The following RBM47 variants were observed in gnomAD, a reference collection of about 807,000 sequenced individuals.
The protein encoded by RBM47 is RNA-binding protein 47.
In RBM47, 21 loss-of-function variants were observed where a neutral mutation model predicts 47.1. The observed-to-expected ratio is 0.45, with a 90% CI of 0.32 to 0.64. RBM47 has a LOEUF of 0.64. RBM47 is among the 30% of genes least tolerant of loss of function. RBM47 has a pLI of 0.05. For missense variants in RBM47, 708 were observed against 870.9 expected (o/e 0.81, Z 2.35); for synonymous variants, 375 against 361.7 (o/e 1.04, Z -0.42).
chr4:40,586,563 A>G (rs190655423), intron 1 of RBM47, among the ~76,000 whole-genome samples: 10 of 150,804 alleles, frequency 6.6e-5, no homozygotes, highest in Admixed American at 5.3e-4. Context: ...CAGAACAGCC[A>G]TTGCATATTC....
chr4:40,457,778 C>A (rs1716520885), intron 3 of RBM47, among the ~76,000 whole-genome samples: 1 of 152,110 alleles, frequency 6.6e-6, no homozygotes, highest in African/African-American at 2.4e-5. Flanking sequence ...TTTACTATCA[C>A]ATTGGGGATT....
chr4:40,464,815 C>A (rs1056582637), intron 3 of RBM47, among the ~76,000 whole-genome samples: 1 of 136,374 alleles, frequency 7.3e-6, no homozygotes, highest in East Asian at 2.4e-4. Context: ...GGCGTGAACC[C>A]GGGAGGCAGA....
At chr4:40,588,778 G>A (rs923113000) in intron 1 of RBM47, among the ~76,000 whole-genome samples, 2 of 152,006 alleles carry the variant, frequency 1.3e-5, no homozygotes, top group African/African-American at 4.8e-5. Context: ...CCCAAGGGAG[G>A]AGACTGCATC....
chr4:40,475,111 C>A (rs1296183815), intron 2 of RBM47, among the ~76,000 whole-genome samples: 2 of 152,058 alleles, frequency 1.3e-5, no homozygotes, highest in African/African-American at 4.8e-5. Flanking sequence ...TAATCTACAC[C>A]TAAATAATTC....
chr4:40,590,691 C>G lies in RBM47; in HGVS notation c.-240+38705G>C, dbSNP rs563750086. ...CAAAATGTGATATTGTCCATTACAA[C>G]AGAATATTATTCAGTCTTAAAGAAA... On this transcript the variant is annotated intron_variant, in intron 1 of 6. Coordinates refer to ENST00000295971, the MANE Select transcript of RBM47 (RefSeq NM_001098634.2). Among the ~76,000 whole-genome samples, 20 of 152,348 alleles carry G rather than the reference C, an allele frequency of 1.3e-4. No individual in the cohort carries two copies. In the South Asian group the frequency reaches 3.7e-3, roughly 28 times the overall value.
In RBM47 at chr4:40,438,094, C is replaced by T; in HGVS notation, c.800G>A (p.Gly267Asp). 1 of 1,613,756 alleles carries T rather than the reference C, an allele frequency of 6.2e-7. No homozygotes were observed. Among genetic ancestry groups the T allele is most frequent in the South Asian group, 1.1e-5 (1 of 91,084 alleles). Residue 267 changes from glycine to aspartate, a missense_variant, in exon 4 of 7, where the codon GGC becomes GAC. Transcript: ENST00000295971. Reference sequence around the variant, plus strand: ...CTCCACGCAGCCGGGGTTGAACTGGCCGAAGCTCTTCTTGATGGTGTCCTC... The same window carrying T: ...CTCCACGCAGCCGGGGTTGAACTGGTCGAAGCTCTTCTTGATGGTGTCCTC... ...TTEDTIKKSF[G>D]QFNPGCVERV...
At chr4:40,609,780 T>C (rs1239197138) in intron 1 of RBM47, among the ~76,000 whole-genome samples, 1 of 152,048 alleles carries the variant, frequency 6.6e-6, no homozygotes, top group African/African-American at 2.4e-5. Context: ...TACCTGCTTT[T>C]CATATCTCTG....
chr4:40,503,274 G>A (rs2154250796), intron 2 of RBM47, among the ~76,000 whole-genome samples: 1 of 152,328 alleles, frequency 6.6e-6, no homozygotes, highest in East Asian at 1.9e-4. Context: ...CTGGGTAGAT[G>A]CTTTTGGAGG....
At position 40,438,542 on chromosome 4, in the gene RBM47, A is replaced by G; in HGVS notation, c.352T>C (p.Tyr118His). The G allele has an allele frequency of 6.2e-7, 1 of 1,613,920 alleles. No individual in the cohort carries two copies. The highest frequency in any genetic ancestry group is 8.5e-7 in the Non-Finnish European group (1 of 1,179,970). The stretch of plus-strand genomic sequence containing the variant: ...CGCTTGGCCTCGTGCTTGTGGCAGT[A>G]CATGACGAAGGCGTAGCCGCGGTTC... ...GKNRGYAFVM[Y>H]CHKHEAKRAV... is the part of the protein sequence containing the mutation. Residue 118 changes from tyrosine to histidine, a missense_variant, in exon 4 of 7, where the codon TAC becomes CAC. Physicochemically the swap from Tyr to His is moderately conservative, Grantham distance 83. Transcript: ENST00000295971.
chr4:40,436,223 G>C (rs1712380793), intron 5 of RBM47, among the ~76,000 whole-genome samples: 1 of 151,470 alleles, frequency 6.6e-6, no homozygotes, highest in African/African-American at 2.4e-5. Flanking sequence ...CCTTACTCAG[G>C]CAAGTTTGAT....
At chr4:40,469,252 AAC>A (rs1481399631) in intron 2 of RBM47, among the ~76,000 whole-genome samples, 14 of 152,308 alleles carry the variant, frequency 9.2e-5, no homozygotes, top group African/African-American at 3.4e-4. Flanking sequence ...ATATAAATGA[AAC>A]ACAGAATTCA....
At position 40,438,386 on chromosome 4, in the gene RBM47, C is replaced by T; in HGVS notation, c.508G>A (p.Glu170Lys). The T allele has an allele frequency of 6.2e-7, 1 of 1,612,830 alleles. No individual in the cohort carries two copies. The highest frequency in any genetic ancestry group is 8.5e-7 in the Non-Finnish European group (1 of 1,179,924). ...KMKKREEILE[E>K]IAKVTEGVLD... is the part of the protein sequence containing the mutation. ...ACGCCCTCGGTGACCTTGGCAATCTCCTCCAGGATTTCCTCGCGCTTCTTC... is the reference window on the plus strand; with the variant it reads ...ACGCCCTCGGTGACCTTGGCAATCTTCTCCAGGATTTCCTCGCGCTTCTTC... Residue 170 changes from glutamate to lysine, a missense_variant, in exon 4 of 7, where the codon GAG becomes AAG. Coordinates refer to ENST00000295971, the MANE Select transcript of RBM47 (RefSeq NM_001098634.2).
intron 2 of RBM47, among the ~76,000 whole-genome samples, chr4:40,529,239 G>A (rs1201641880): frequency 6.6e-6 from 1 of 151,956 alleles, no homozygotes; most frequent in Non-Finnish European, 1.5e-5. Flanking sequence ...GGGCGAGGTG[G>A]CTCACGCCTG....
At chr4:40,621,038 C>G (rs976379722) in intron 1 of RBM47, among the ~76,000 whole-genome samples, 3 of 151,588 alleles carry the variant, frequency 2.0e-5, no homozygotes, top group African/African-American at 7.3e-5. Flanking sequence ...CCAAATAATT[C>G]TAAATCAGCC....
intron 1 of RBM47, among the ~76,000 whole-genome samples, chr4:40,583,037 G>A (rs570102830): frequency 6.6e-6 from 1 of 152,300 alleles, no homozygotes; most frequent in East Asian, 1.9e-4. Context: ...AGTGGAATGT[G>A]CGAAGTACAG....
chr4:40,497,173 G>A (rs1306371411), intron 2 of RBM47, among the ~76,000 whole-genome samples: 3 of 152,064 alleles, frequency 2.0e-5, no homozygotes, highest in Admixed American at 2.0e-4. Context: ...TAACTCCCAA[G>A]TTCGACCCCT....
At chr4:40,456,571 CTTTTTTTTTT>C (rs34320480) in intron 3 of RBM47, among the ~76,000 whole-genome samples, 2 of 112,578 alleles carry the variant, frequency 1.8e-5, no homozygotes, top group African/African-American at 7.0e-5. Flanking sequence ...TTTCTTTTTT[CTTTTTTTTTT>C]TTTTTTGAGA....
chr4:40,519,237 T>C (rs1027827031), intron 2 of RBM47, among the ~76,000 whole-genome samples: 2 of 151,472 alleles, frequency 1.3e-5, no homozygotes, highest in African/African-American at 4.8e-5. Flanking sequence ...TAAAAATCAC[T>C]TGCATGTATT....
At chr4:40,439,000 A>T (rs1211624469) in intron 3 of RBM47, 76 bp from the exon 4 acceptor site, 1 of 1,308,742 alleles carries the variant, frequency 7.6e-7, no homozygotes, top group Admixed American at 2.8e-5. Flanking sequence ...GCAGCCTTGC[A>T]AGTATGCATT....
Sources: gnomAD v4.1 joint callset for allele counts (sites outside exome capture counted in the v4.1 genomes callset) on GRCh38, gnomAD v4.1.1 for gene constraint, MANE v1.5 for transcripts, NCBI Gene and HGNC (gene_info 2026-07-23, HGNC 2026-07-21) for gene names.